ICE1: variants seen among roughly 807,000 people sequenced by gnomAD.
ICE1 encodes little elongation complex subunit 1.
ICE1 carries 64 observed loss-of-function variants against 192.7 expected under a neutral mutation model. The ratio of observed to expected loss-of-function variants is 0.33; its 90% CI spans 0.27 to 0.41. The LOEUF (loss-of-function observed/expected upper bound fraction) is 0.41. Among genes scored for constraint, ICE1 ranks in the 10% least tolerant of loss-of-function variants. ICE1 has a pLI of 1.00. For missense variants in ICE1, 2,708 were observed against 2,696.0 expected (o/e 1.00, Z -0.10); for synonymous variants, 1,010 against 984.5 (o/e 1.03, Z -0.49).
chr5:5,437,720 G>C (rs1387520216), intron 3 of ICE1: 1 of 152,200 alleles, frequency 6.6e-6, no homozygotes, highest in Non-Finnish European at 1.5e-5. Flanking sequence ...TTTAGCAGTG[G>C]GAAAAAGATG....
At position 5,454,641 on chromosome 5, in the gene ICE1, G is replaced by A; in HGVS notation, c.691+3G>A. ...TGAAGGCAGCAGGTGTGTCCCAGGT[G>A]AGAGAGAAGCTTACAGAAACCGATT... On this transcript the variant is annotated splice_donor_region_variant and intron_variant, in intron 11 of 18. Transcript: ENST00000296564. The A allele has an allele frequency of 6.2e-7, 1 of 1,611,700 alleles. No homozygotes were observed. The highest frequency in any genetic ancestry group is 8.5e-7 in the Non-Finnish European group (1 of 1,178,142).
intron 12 of ICE1, 143 bp from the exon 13 acceptor site, chr5:5,460,293 A>C: frequency 3.1e-6 from 2 of 653,344 alleles, no homozygotes; most frequent in Non-Finnish European, 5.2e-6. Flanking sequence ...CACCCACCAC[A>C]GAGATTCCTA....
In ICE1 at chr5:5,457,621, T is replaced by C. The variant is rs1288409028; in HGVS notation, c.981T>C (p.Asp327=). 6.2e-7 allele frequency: 1 copy of C among 1,613,906 alleles called. No individual in the cohort carries two copies. The highest frequency in any genetic ancestry group is 8.5e-7 in the Non-Finnish European group (1 of 1,179,896). ...TTGTTGATCATGATCATTTTTTTGA[T>C]GAAGATCTTCAAGCTGCAATTGACT... The part of the protein sequence containing the change: ...TEFVDHDHFF[D]EDLQAAIDFF... Residue 327 remains aspartate, a synonymous_variant, in exon 12 of 19, where the codon GAT becomes GAC. Coordinates refer to ENST00000296564, the MANE Select transcript of ICE1 (RefSeq NM_015325.3).
Position 5,464,346 on chromosome 5 carries a change from C to T in ICE1, c.5012C>T (p.Pro1671Leu), listed in dbSNP as rs781561916. 134 of 1,613,668 alleles carry T rather than the reference C, an allele frequency of 8.3e-5. No homozygotes were observed. The highest frequency in any genetic ancestry group is 7.7e-5 in the South Asian group (7 of 91,068). Residue 1671 changes from proline to leucine, a missense_variant, in exon 13 of 19, where the codon CCC becomes CTC. Transcript: ENST00000296564. This position sits in a 1 kb window ranked among gnomAD's most constrained non-coding sequence, Gnocchi z 4.0. Reference sequence around the variant, plus strand: ...GCCTCTCCTGTTGGCCAGGTTTCTCCCTTCCGTGAAACCCCAGTGCCTCCT... The same window carrying T: ...GCCTCTCCTGTTGGCCAGGTTTCTCTCTTCCGTGAAACCCCAGTGCCTCCT... ...SPASPVGQVSPFRETPVPPAM... is the reference protein window; with the variant it reads ...SPASPVGQVSLFRETPVPPAM...
chr5:5,479,671 A>G (rs1017586879), intron 17 of ICE1, among the ~76,000 whole-genome samples: 27 of 152,238 alleles, frequency 1.8e-4, no homozygotes, highest in Admixed American at 6.5e-5. Context: ...ACTATTTACA[A>G]TAGCAAAGAC....
intron 17 of ICE1, among the ~76,000 whole-genome samples, chr5:5,480,116 G>A (rs1739453960): frequency 6.6e-6 from 1 of 152,046 alleles, no homozygotes; most frequent in South Asian, 2.1e-4. Context: ...GTTTTGACCT[G>A]ACTTCTCTAT....
chr5:5,422,718 T>G lies in ICE1; in HGVS notation c.-198T>G, dbSNP rs1033873135. Reference sequence around the variant, plus strand: ...GGGGGCCGCGCCGGGTAGCGTTTCTTTTTAGTGCCTGAGGCAGCTCTGGCT... The same window carrying G: ...GGGGGCCGCGCCGGGTAGCGTTTCTGTTTAGTGCCTGAGGCAGCTCTGGCT... On this transcript the variant is annotated 5_prime_UTR_variant, in exon 1 of 19. Coordinates refer to ENST00000296564, the MANE Select transcript of ICE1 (RefSeq NM_015325.3). 6 of 355,458 alleles carry G rather than the reference T, an allele frequency of 1.7e-5. No individual in the cohort carries two copies. The highest frequency in any genetic ancestry group is 7.4e-4 in the Middle Eastern group (1 of 1,354). The allele number at this position is 355,458 out of a possible 1,614,324, so 22.0% of individuals were successfully genotyped here.
rs749167315 is a variant in ICE1, at chr5:5,460,934, C to T, written c.1600C>T (p.Pro534Ser). The change falls in exon 13 of 19, where the codon CCC becomes TCC. Residue 534 changes from proline to serine, a missense_variant. Transcript: ENST00000296564. Reference sequence around the variant, plus strand: ...TGGGAAGTCTGAGTTGTGTTCTTCTCCCCTTGGCAAAAGGCCATTAAATGA... The same window carrying T: ...TGGGAAGTCTGAGTTGTGTTCTTCTTCCCTTGGCAAAAGGCCATTAAATGA... ...APGKSELCSS[P>S]LGKRPLNELM... The T allele has an allele frequency of 6.8e-6, 11 of 1,613,776 alleles. No individual in the cohort carries two copies. The highest frequency in any genetic ancestry group is 2.2e-5 in the East Asian group (1 of 44,888).
chr5:5,434,916 T>G (rs1387870841), intron 1 of ICE1, among the ~76,000 whole-genome samples: 1 of 152,250 alleles, frequency 6.6e-6, no homozygotes, highest in Non-Finnish European at 1.5e-5. Context: ...TTAAAAAATG[T>G]CTATTGACTA....
intron 1 of ICE1, among the ~76,000 whole-genome samples, chr5:5,424,375 C>G (rs1174446850): frequency 6.6e-6 from 1 of 151,936 alleles, no homozygotes; most frequent in African/African-American, 2.4e-5. Flanking sequence ...TTATAACGCC[C>G]CCCCGCCCCC....
At chr5:5,454,019 A>G (rs1230655025) in intron 10 of ICE1, among the ~76,000 whole-genome samples, 8 of 152,134 alleles carry the variant, frequency 5.3e-5, no homozygotes, top group Admixed American at 1.3e-4. Flanking sequence ...GTCTCCCCTC[A>G]AGTCCATTGA....
At position 5,462,117 on chromosome 5, in the gene ICE1, T is replaced by G. The variant is rs1288214195; in HGVS notation, c.2783T>G (p.Val928Gly). The change falls in exon 13 of 19, where the codon GTT (valine) becomes GGT (glycine). Residue 928 changes from valine (V) to glycine (G), a missense_variant. Val to Gly is a moderately radical substitution (Grantham distance 109). Transcript: ENST00000296564. ...GCTGTGAAAAGCATTTCACCAGAAG[T>G]TTCTGCCTCTAGGAGAAAATTAGAT... ...VAAVKSISPE[V>G]SASRRKLDFN... 1.9e-6 allele frequency: 3 copies of G among 1,613,856 alleles called. No homozygotes were observed. In the Admixed American group the frequency reaches 5.0e-5, roughly 27 times the overall value.
rs540568481 is a variant in ICE1 at position 5,485,817 on chromosome 5, G to A, written c.6521-904G>A. ...AAATATTGTAAAGCTGTCAAGCTCAGGATAGCTGATGAAAATTGTTCCAAA... is the reference window on the plus strand; with the variant it reads ...AAATATTGTAAAGCTGTCAAGCTCAAGATAGCTGATGAAAATTGTTCCAAA... On this transcript the variant is annotated intron_variant, in intron 17 of 18. Transcript: ENST00000296564. Among the ~76,000 whole-genome samples the A allele has an allele frequency of 9.2e-5, 14 of 152,294 alleles. No individual in the cohort carries two copies. The South Asian group carries it at 2.5e-3, about 27-fold the overall frequency.
At chr5:5,429,407 G>A (rs1348836598) in intron 1 of ICE1, among the ~76,000 whole-genome samples, 6 of 152,154 alleles carry the variant, frequency 3.9e-5, no homozygotes, top group South Asian at 2.1e-4. Context: ...GCTAAGGATC[G>A]TGTTCTCAGG....
At chr5:5,454,320 A>T (rs1160535784) in intron 10 of ICE1, among the ~76,000 whole-genome samples, 3 of 150,894 alleles carry the variant, frequency 2.0e-5, no homozygotes, top group Non-Finnish European at 4.4e-5. Flanking sequence ...TCTGCCACCA[A>T]TTTTTTTTTT....
intron 1 of ICE1, among the ~76,000 whole-genome samples, chr5:5,426,659 A>T (rs1288045249): frequency 6.6e-6 from 1 of 152,204 alleles, no homozygotes; most frequent in Non-Finnish European, 1.5e-5. Context: ...GGAGAAACAG[A>T]TAAAGTATGT....
intron 11 of ICE1, among the ~76,000 whole-genome samples, chr5:5,456,115 T>G (rs1200684525): frequency 6.6e-6 from 1 of 152,246 alleles, no homozygotes; most frequent in East Asian, 1.9e-4. Flanking sequence ...GTGCTGTTTC[T>G]CTTTGCTCAG....
chr5:5,467,066 TATCTC>T (rs1181150267), intron 14 of ICE1, among the ~76,000 whole-genome samples: 1 of 152,226 alleles, frequency 6.6e-6, no homozygotes, highest in Non-Finnish European at 1.5e-5. Flanking sequence ...GTATCAGTCT[TATCTC>T]AGTGGTAAAC....
Position 5,486,746 on chromosome 5 carries a change from A to G in ICE1, c.6546A>G (p.Lys2182=). 6.2e-7 allele frequency: 1 copy of G among 1,601,850 alleles called. No individual in the cohort carries two copies. Among genetic ancestry groups the G allele is most frequent in the Non-Finnish European group, 8.5e-7 (1 of 1,173,440 alleles). Residue 2182 remains lysine, a synonymous_variant, in exon 18 of 19, where the codon AAA becomes AAG. Transcript: ENST00000296564. ...LIGRLGQLGL[K]EGFPSAVKNI... ...GTCGTTTAGGCCAATTGGGTTTGAA[A>G]GAAGGATTTCCATCTGCTGTGAAAA...
Sources: allele counts gnomAD v4.1 joint callset (sites outside exome capture counted in the v4.1 genomes callset), GRCh38; gene constraint gnomAD v4.1.1; non-coding constraint Gnocchi (gnomAD v3.1); transcripts MANE v1.5; gene names NCBI Gene and HGNC (gene_info 2026-07-23, HGNC 2026-07-21).